The following SNTG1 variants were observed in gnomAD, a reference collection of about 807,000 sequenced individuals.
SNTG1 encodes the protein gamma-1-syntrophin.
In SNTG1, 39 loss-of-function variants were observed where a neutral mutation model predicts 74.7. The ratio of observed to expected loss-of-function variants is 0.52; its 90% confidence interval spans 0.40 to 0.68. SNTG1 has a LOEUF of 0.68. SNTG1 is among the 30% of genes least tolerant of loss of function. SNTG1 has a pLI of 0.00. For synonymous variants in SNTG1, 254 were observed against 217.1 expected (o/e 1.17, Z -1.49); for missense variants, 685 against 609.5 (o/e 1.12, Z -1.30).
At chr8:50,096,756 T>G (rs2079943375) in intron 1 of SNTG1, among the ~76,000 whole-genome samples, 1 of 152,154 alleles carries the variant, frequency 6.6e-6, no homozygotes, top group African/African-American at 2.4e-5. Context: ...TTAGAACAGC[T>G]CACAAAAATT....
Position 50,376,309 on chromosome 8 carries a change from C to A in SNTG1, c.-27-17903C>A, listed in dbSNP as rs75117491. Among the ~76,000 whole-genome samples the A allele has an allele frequency of 5.8e-3, 885 of 152,194 alleles. 7 individuals are homozygous for A. Among genetic ancestry groups the A allele is most frequent in the African/African-American group, 0.02 (848 of 41,516 alleles). ...TACTAAAACTTGAACCAGACTCTTGCTATTCAGATTTGAGGTTTACATGTC... is the reference window on the plus strand; with the variant it reads ...TACTAAAACTTGAACCAGACTCTTGATATTCAGATTTGAGGTTTACATGTC... On this transcript the variant is annotated intron_variant, in intron 2 of 18. Coordinates refer to ENST00000642720, the MANE Select transcript of SNTG1 (RefSeq NM_018967.5).
chr8:50,578,085 A>G (rs1024893545), intron 12 of SNTG1, among the ~76,000 whole-genome samples: 2 of 152,246 alleles, frequency 1.3e-5, no homozygotes, highest in African/African-American at 4.8e-5. Flanking sequence ...GGTCATATGG[A>G]CATTCTGCTA....
intron 1 of SNTG1, among the ~76,000 whole-genome samples, chr8:50,043,142 G>T (rs899963743): frequency 7.9e-5 from 12 of 152,054 alleles, no homozygotes; most frequent in Non-Finnish European, 1.6e-4. Context: ...CAAACTTTAA[G>T]ATGCAAAATA....
At chr8:50,488,940 A>G (rs545998134) in intron 8 of SNTG1, among the ~76,000 whole-genome samples, 5 of 151,754 alleles carry the variant, frequency 3.3e-5, no homozygotes, top group African/African-American at 9.7e-5. Flanking sequence ...CCCCCACCCC[A>G]CAACAGGCCC....
intron 2 of SNTG1, among the ~76,000 whole-genome samples, chr8:50,205,394 C>T (rs1241021956): frequency 1.3e-5 from 2 of 152,154 alleles, no homozygotes; most frequent in Non-Finnish European, 2.9e-5. Context: ...TGTTCATATC[C>T]TTTGCCCACT....
rs79977874 is a variant in SNTG1, at chr8:50,243,520, T to C, written c.-28+70885T>C. On this transcript the variant is annotated intron_variant, in intron 2 of 18. Transcript: ENST00000642720. ...TTTTAAAATGCAAATGTCTGTTTGC[T>C]GCATCAAGCAATTCTACTCTATTCC... Among the ~76,000 whole-genome samples, 679 of 152,272 alleles carry C rather than the reference T, an allele frequency of 4.5e-3. 6 individuals carry two copies. Among genetic ancestry groups the C allele is most frequent in the African/African-American group, 0.016 (651 of 41,560 alleles).
chr8:50,023,915 T>A (rs1817041637), intron 1 of SNTG1, among the ~76,000 whole-genome samples: 1 of 152,148 alleles, frequency 6.6e-6, no homozygotes, highest in Non-Finnish European at 1.5e-5. Flanking sequence ...ATGAGCATTG[T>A]TGTGAGTCCA....
chr8:50,041,681 G>T (rs182866597), intron 1 of SNTG1, among the ~76,000 whole-genome samples: 2 of 152,268 alleles, frequency 1.3e-5, no homozygotes, highest in African/African-American at 4.8e-5. Context: ...AACCATATTT[G>T]TGTCCCAGTT....
intron 2 of SNTG1, among the ~76,000 whole-genome samples, chr8:50,340,770 T>C (rs1587215761): frequency 1.3e-5 from 2 of 151,914 alleles, no homozygotes; most frequent in Non-Finnish European, 2.9e-5. Flanking sequence ...CCCTCACTAA[T>C]CTATTGATTA....
chr8:50,049,849 T>C (rs1235027574), intron 1 of SNTG1, among the ~76,000 whole-genome samples: 1 of 151,974 alleles, frequency 6.6e-6, no homozygotes, highest in Non-Finnish European at 1.5e-5. Flanking sequence ...AACTTTTCAA[T>C]AACACATGGA....
intron 2 of SNTG1, among the ~76,000 whole-genome samples, chr8:50,190,498 A>G (rs1225014640): frequency 6.6e-6 from 1 of 152,132 alleles, no homozygotes; most frequent in African/African-American, 2.4e-5. Context: ...GCTCCAGTTG[A>G]TTTAAATGAT....
intron 8 of SNTG1, among the ~76,000 whole-genome samples, chr8:50,480,669 C>A (rs2093732865): frequency 6.6e-6 from 1 of 152,076 alleles, no homozygotes; most frequent in African/African-American, 2.4e-5. Context: ...TTCACAGTGA[C>A]CCAATGTTGA....
Position 50,775,138 on chromosome 8 carries a change from A to G in SNTG1, c.1396-17533A>G, listed in dbSNP as rs1266239677. The stretch of plus-strand genomic sequence containing the variant: ...TTTTACCTTATGTATAATTGCATTA[A>G]AAGCAAATATATTAAATATTTCGAC... On this transcript the variant is annotated intron_variant, in intron 18 of 18. Transcript: ENST00000642720. Among the ~76,000 whole-genome samples the G allele has an allele frequency of 2.0e-5, 3 of 151,548 alleles. No homozygotes were observed. In the East Asian group the frequency reaches 5.8e-4, roughly 29 times the overall value.
chr8:50,739,616 G>A (rs72643699), intron 17 of SNTG1, among the ~76,000 whole-genome samples: 2 of 151,748 alleles, frequency 1.3e-5, no homozygotes, highest in Non-Finnish European at 2.9e-5. Flanking sequence ...AAACAACATA[G>A]ATAATGGATT....
chr8:50,347,424 A>G (rs1487844960), intron 2 of SNTG1, among the ~76,000 whole-genome samples: 2 of 152,246 alleles, frequency 1.3e-5, no homozygotes, highest in East Asian at 3.8e-4. Context: ...ATTACTGCTC[A>G]TTGACAATGA....
chr8:50,244,446 T>C (rs1474111348), intron 2 of SNTG1, among the ~76,000 whole-genome samples: 4 of 152,188 alleles, frequency 2.6e-5, no homozygotes, highest in African/African-American at 4.8e-5. Flanking sequence ...CCTCTTGTTA[T>C]TCATATTTGT....
intron 15 of SNTG1, among the ~76,000 whole-genome samples, chr8:50,699,337 A>T (rs1310280435): frequency 6.6e-6 from 1 of 152,142 alleles, no homozygotes; most frequent in African/African-American, 2.4e-5. Context: ...TTGGGAATGA[A>T]AGGAAGGCAG....
At chr8:49,990,292 C>T (rs1482693650) in intron 1 of SNTG1, among the ~76,000 whole-genome samples, 1 of 151,816 alleles carries the variant, frequency 6.6e-6, no homozygotes, top group South Asian at 2.1e-4. Flanking sequence ...AATTACAACA[C>T]CAACAAAAGG....
At chr8:50,601,959 A>C (rs2094778254) in intron 13 of SNTG1, among the ~76,000 whole-genome samples, 1 of 152,084 alleles carries the variant, frequency 6.6e-6, no homozygotes, top group Non-Finnish European at 1.5e-5. Context: ...TGTTTCAATT[A>C]GCATGGAATA....
Sources: gnomAD v4.1 joint callset for allele counts (sites outside exome capture counted in the v4.1 genomes callset) on GRCh38, gnomAD v4.1.1 for gene constraint, MANE v1.5 for transcripts, NCBI Gene and HGNC (gene_info 2026-07-23, HGNC 2026-07-21) for gene names.